The following SH2D3A variants were observed in gnomAD, a reference collection of about 807,000 sequenced individuals.
SH2D3A encodes SH2 domain-containing protein 3A.
In SH2D3A, 46 loss-of-function variants were observed where a neutral mutation model predicts 50.6. That is an observed-to-expected ratio of 0.91 (90% CI 0.72 to 1.16). The LOEUF (loss-of-function observed/expected upper bound fraction) is 1.16. SH2D3A is among the 50% of genes most tolerant of loss of function. SH2D3A has a pLI of 0.00. For synonymous variants in SH2D3A, 377 were observed against 348.4 expected, an observed-to-expected ratio of 1.08 and a Z score of -0.91; for missense variants, 783 against 786.2, an observed-to-expected ratio of 1.00 and a Z score of 0.05.
chr19:6,753,294 T>C (rs1472052534), intron 9 of SH2D3A, 162 bp downstream of exon 9: 1 of 985,384 alleles, frequency 1.0e-6, no homozygotes, highest in Non-Finnish European at 1.2e-6. Flanking sequence ...CAGCGTTTGC[T>C]TGGGGTGAGA....
rs535300902 is a variant in SH2D3A, at chr19:6,765,497, T to C, written c.-68-1681A>G. On this transcript the variant is annotated intron_variant, in intron 1 of 9. Transcript: ENST00000245908. Reference sequence around the variant, plus strand: ...GCGCGGTGGCTCACTCTTGTAATCCTAGCACTTTGGGAGGCAGAGGTGGGT... The same window carrying C: ...GCGCGGTGGCTCACTCTTGTAATCCCAGCACTTTGGGAGGCAGAGGTGGGT... 4.6e-5 allele frequency among the ~76,000 whole-genome samples: 7 copies of C among 152,078 alleles called. No individual in the cohort carries two copies. The South Asian group carries it at 1.0e-3, about 23-fold the overall frequency.
At chr19:6,756,821 C>T (rs1969705848) in intron 4 of SH2D3A, among the ~76,000 whole-genome samples, 1 of 152,082 alleles carries the variant, frequency 6.6e-6, no homozygotes, top group Non-Finnish European at 1.5e-5. Flanking sequence ...CCCTCTGCTT[C>T]AGCTACACTC....
Position 6,755,855 on chromosome 19 carries a change from G to T in SH2D3A, c.497-540C>A, listed in dbSNP as rs570069916. Among the ~76,000 whole-genome samples, 10 of 151,476 alleles carry T rather than the reference G, an allele frequency of 6.6e-5. No homozygotes were observed. The South Asian group carries it at 1.3e-3, about 19-fold the overall frequency. ...GCATTTTGGGAGGCCAAGGTGAGAG[G>T]ATTGCTTGAGGCTAGGGATTCCAGA... On this transcript the variant is annotated intron_variant, in intron 4 of 9. Coordinates refer to ENST00000245908, the MANE Select transcript of SH2D3A (RefSeq NM_005490.3).
chr19:6,763,444 G>C (rs914444572), intron 2 of SH2D3A, among the ~76,000 whole-genome samples: 1 of 152,102 alleles, frequency 6.6e-6, no homozygotes, highest in African/African-American at 2.4e-5. Flanking sequence ...AGAGTAGTTT[G>C]GGGGCATTAG....
intron 9 of SH2D3A, 163 bp from the exon 10 acceptor site, chr19:6,752,916 G>T: frequency 1.0e-6 from 1 of 985,138 alleles, no homozygotes; most frequent in South Asian, 4.7e-5. Flanking sequence ...AGGGGAGGGG[G>T]CTTCCAGCTC....
At chr19:6,759,705 C>T (rs1229466949) in intron 3 of SH2D3A, 35 bp from the exon 4 acceptor site, 2 of 1,602,460 alleles carry the variant, frequency 1.2e-6, no homozygotes, top group Non-Finnish European at 8.5e-7. Context: ...CTGTAGTCCC[C>T]ACCTAAGCAG....
intron 2 of SH2D3A, among the ~76,000 whole-genome samples, chr19:6,761,966 A>G (rs1970043298): frequency 1.3e-5 from 1 of 76,336 alleles, no homozygotes; most frequent in Admixed American, 1.0e-4. Context: ...AAAAAAAAAC[A>G]AAAAAAAAAA....
At chr19:6,752,880 C>T in intron 9 of SH2D3A, 127 bp from the exon 10 acceptor site, 4 of 1,406,580 alleles carry the variant, frequency 2.8e-6, no homozygotes, top group South Asian at 1.6e-5. Flanking sequence ...ACCTGCCCCA[C>T]CTGCGGGATG....
chr19:6,752,973 A>C, intron 9 of SH2D3A: 1 of 985,284 alleles, frequency 1.0e-6, no homozygotes, highest in Non-Finnish European at 1.2e-6. Context: ...ACCGCAGTGC[A>C]ATGGGGTGGC....
Position 6,755,223 on chromosome 19 carries a change from TGTCGGCAACA to T in SH2D3A, c.579_588del (p.Ala195SerfsTer127). On this transcript the variant is annotated frameshift_variant, in exon 5 of 10. Transcript: ENST00000245908. LOFTEE classifies it high-confidence loss of function. ...AGCTGCCCATCGGAGGCCCTGAGAC[TGTCGGCAACA>T]GTTCCCAGGGGAGCAGGGGCCTTCA... The T allele has an allele frequency of 6.4e-7, 1 of 1,555,912 alleles. No homozygotes were observed. Among genetic ancestry groups the T allele is most frequent in the African/African-American group, 1.4e-5 (1 of 73,258 alleles).
chr19:6,754,533 C>G (rs1338066508), intron 6 of SH2D3A, 83 bp downstream of exon 6: 1 of 1,591,988 alleles, frequency 6.3e-7, no homozygotes, highest in Admixed American at 1.7e-5. Context: ...CCCTGGGGAA[C>G]CATGAGTGGG....
At chr19:6,764,937 G>C (rs1415881920) in intron 1 of SH2D3A, among the ~76,000 whole-genome samples, 2 of 145,966 alleles carry the variant, frequency 1.4e-5, no homozygotes, top group African/African-American at 2.6e-5. Context: ...GAGTGCAGTG[G>C]CATGATCTCA....
In SH2D3A at chr19:6,765,473, C is replaced by T. The variant is rs548446820; in HGVS notation, c.-68-1657G>A. Among the ~76,000 whole-genome samples, 11 of 152,122 alleles carry T rather than the reference C, an allele frequency of 7.2e-5. No individual in the cohort carries two copies. The East Asian group carries it at 1.2e-3, about 16-fold the overall frequency. Reference sequence around the variant, plus strand: ...TTAGAATGCAACGCTGGGGGCCAGGCGCGGTGGCTCACTCTTGTAATCCTA... The same window carrying T: ...TTAGAATGCAACGCTGGGGGCCAGGTGCGGTGGCTCACTCTTGTAATCCTA... On this transcript the variant is annotated intron_variant, in intron 1 of 9. Transcript: ENST00000245908.
At chr19:6,766,119 G>A (rs748839158) in intron 1 of SH2D3A, among the ~76,000 whole-genome samples, 1 of 152,188 alleles carries the variant, frequency 6.6e-6, no homozygotes, top group Non-Finnish European at 1.5e-5. Context: ...CCAGCCCTAG[G>A]TGGCTTTAGG....
chr19:6,754,466 G>T (rs1464651217), intron 6 of SH2D3A, 41 bp from the exon 7 acceptor site: 1 of 1,532,126 alleles, frequency 6.5e-7, no homozygotes, highest in South Asian at 1.2e-5. Flanking sequence ...AAGTGGGGAG[G>T]TTTGTAATGC....
intron 4 of SH2D3A, among the ~76,000 whole-genome samples, chr19:6,756,267 T>C: frequency 6.7e-6 from 1 of 149,836 alleles, no homozygotes; most frequent in Non-Finnish European, 1.5e-5. Context: ...ATGATAGATA[T>C]TTTACTTTTT....
At chr19:6,766,680 C>A (rs1970316990) in intron 1 of SH2D3A, among the ~76,000 whole-genome samples, 1 of 152,222 alleles carries the variant, frequency 6.6e-6, no homozygotes, top group Non-Finnish European at 1.5e-5. Context: ...TAAAGCTCGG[C>A]ACCACCCTGC....
chr19:6,754,808 G>A (rs1238256952), intron 5 of SH2D3A, 23 bp downstream of exon 5: 1 of 1,611,530 alleles, frequency 6.2e-7, no homozygotes, highest in Non-Finnish European at 8.5e-7. Flanking sequence ...GCCTGGGGAG[G>A]AGCATCCCAG....
chr19:6,754,442 C>G lies in SH2D3A; in HGVS notation c.1098-17G>C, dbSNP rs944704427. ...GTCTGATGCCTGCAGAGGTGGAGGG[C>G]AAGGGTCTGGGGGAAGTGGGGAGGT... On this transcript the variant is annotated splice_polypyrimidine_tract_variant and intron_variant, in intron 6 of 9. Transcript: ENST00000245908. 5.2e-6 allele frequency: 8 copies of G among 1,528,690 alleles called. No homozygotes were observed. Among genetic ancestry groups the G allele is most frequent in the Middle Eastern group, 4.3e-4 (2 of 4,618 alleles). The allele number at this position is 1,528,690 out of a possible 1,614,324, so 94.7% of individuals were successfully genotyped here. A position where few individuals can be genotyped will look rare whatever the true frequency, so the allele number is the denominator to read the frequency against.
Sources: allele counts gnomAD v4.1 joint callset (sites outside exome capture counted in the v4.1 genomes callset), GRCh38; gene constraint gnomAD v4.1.1; transcripts MANE v1.5; gene names NCBI Gene and HGNC (gene_info 2026-07-23, HGNC 2026-07-21).